Variants in GRIN2A observed in about 807,000 individuals in gnomAD.
GRIN2A encodes the protein glutamate receptor ionotropic, NMDA 2A.
A neutral mutation model predicts 113.4 loss-of-function variants in GRIN2A; 22 were observed. That is an observed-to-expected ratio of 0.19 (90% CI 0.14 to 0.28). The LOEUF (loss-of-function observed/expected upper bound fraction) is 0.28. Among genes scored for constraint, GRIN2A ranks in the 10% least tolerant of loss-of-function variants. GRIN2A has a pLI of 1.00. For synonymous variants in GRIN2A, 827 were observed against 738.4 expected, an observed-to-expected ratio of 1.12 and a Z score of -1.94; for missense variants, 1,502 against 1,887.0, an observed-to-expected ratio of 0.80 and a Z score of 3.78.
At chr16:9,899,427 C>T (rs1596556945) in intron 3 of GRIN2A, among the ~76,000 whole-genome samples, 1 of 52,294 alleles carries the variant, frequency 1.9e-5, no homozygotes, top group Admixed American at 3.6e-4. Context: ...GCAACAAGAG[C>T]AAAACTCCGT....
At chr16:9,867,409 C>A (rs980943754) in intron 4 of GRIN2A, among the ~76,000 whole-genome samples, 12 of 152,150 alleles carry the variant, frequency 7.9e-5, no homozygotes, top group African/African-American at 2.9e-4. Flanking sequence ...TTATTTCAGA[C>A]TCTATGGACA....
chr16:9,827,947 G>A (rs1272017519), intron 9 of GRIN2A, among the ~76,000 whole-genome samples: 1 of 152,120 alleles, frequency 6.6e-6, no homozygotes. Flanking sequence ...TTCCAAATTT[G>A]TTTCTTCCTT....
intron 2 of GRIN2A, among the ~76,000 whole-genome samples, chr16:10,018,864 CAG>C (rs2046660469): frequency 6.6e-6 from 1 of 152,194 alleles, no homozygotes; most frequent in Admixed American, 6.5e-5. Context: ...AAGAATGCCC[CAG>C]AGTTACAGCT....
At chr16:10,092,460 G>A (rs748687697) in intron 2 of GRIN2A, among the ~76,000 whole-genome samples, 5 of 151,978 alleles carry the variant, frequency 3.3e-5, no homozygotes, top group Non-Finnish European at 7.4e-5. Flanking sequence ...AAGAGATCAG[G>A]GTGTCTTCAA....
intron 2 of GRIN2A, among the ~76,000 whole-genome samples, chr16:10,162,817 G>A (rs956153167): frequency 9.2e-5 from 14 of 152,176 alleles, no homozygotes; most frequent in African/African-American, 3.4e-4. Context: ...ACCCTCGGAT[G>A]AAACCAGAGA....
chr16:10,111,837 C>A, intron 2 of GRIN2A: 3 of 1,149,262 alleles, frequency 2.6e-6, no homozygotes, highest in African/African-American at 1.5e-5. Flanking sequence ...CCATGGGGAG[C>A]AAGTTGGTGG....
chr16:10,078,087 G>C (rs2142048154), intron 2 of GRIN2A, among the ~76,000 whole-genome samples: 1 of 152,278 alleles, frequency 6.6e-6, no homozygotes, highest in South Asian at 2.1e-4. Context: ...GCCTACATCA[G>C]CACTCATCCA....
intron 12 of GRIN2A, among the ~76,000 whole-genome samples, chr16:9,767,152 G>A (rs1285260587): frequency 7.9e-5 from 12 of 152,306 alleles, no homozygotes; most frequent in Admixed American, 7.2e-4. Context: ...CTCTATGCAC[G>A]TACGTTGTTA....
intron 5 of GRIN2A, among the ~76,000 whole-genome samples, chr16:9,842,003 G>C (rs2042688654): frequency 6.6e-6 from 1 of 152,208 alleles, no homozygotes. Flanking sequence ...TATAATCCCA[G>C]CACTTTCGGA....
chr16:10,111,947 C>T (rs1174403636), intron 2 of GRIN2A: 1 of 736,498 alleles, frequency 1.4e-6, no homozygotes, highest in African/African-American at 1.7e-5. Context: ...ATGGTGGCTC[C>T]AGCAGGCATG....
chr16:9,808,679 C>A (rs556552770), intron 10 of GRIN2A, among the ~76,000 whole-genome samples: 2 of 152,018 alleles, frequency 1.3e-5, no homozygotes, highest in African/African-American at 4.8e-5. Flanking sequence ...TTAAAGTAGG[C>A]GTTTCTTACC....
intron 2 of GRIN2A, among the ~76,000 whole-genome samples, chr16:10,054,886 G>C (rs1048535432): frequency 6.6e-6 from 1 of 150,596 alleles, no homozygotes; most frequent in African/African-American, 2.4e-5. Context: ...TCTCTACTAA[G>C]AACACAAAAA....
At chr16:9,959,926 T>A (rs568135603) in intron 2 of GRIN2A, among the ~76,000 whole-genome samples, 1 of 152,024 alleles carries the variant, frequency 6.6e-6, no homozygotes, top group Non-Finnish European at 1.5e-5. Flanking sequence ...TGAGCCAAAA[T>A]CGGGCCACTG....
At chr16:10,081,268 T>C (rs1003398959) in intron 2 of GRIN2A, among the ~76,000 whole-genome samples, 3 of 152,208 alleles carry the variant, frequency 2.0e-5, no homozygotes. Context: ...TTAAGGTGCC[T>C]GGTTAATTCC....
At chr16:10,035,080 C>G (rs1267918173) in intron 2 of GRIN2A, among the ~76,000 whole-genome samples, 1 of 152,092 alleles carries the variant, frequency 6.6e-6, no homozygotes, top group Non-Finnish European at 1.5e-5. Context: ...GGCTGGAGTG[C>G]AGTGGCACCA....
chr16:10,024,246 C>T (rs938329877), intron 2 of GRIN2A, among the ~76,000 whole-genome samples: 12 of 149,248 alleles, frequency 8.0e-5, no homozygotes, highest in African/African-American at 1.5e-4. Flanking sequence ...TTGTTTGAGA[C>T]GGAGCCTCGC....
chr16:10,118,203 T>C (rs996245521), intron 2 of GRIN2A, among the ~76,000 whole-genome samples: 36 of 152,184 alleles, frequency 2.4e-4, no homozygotes, highest in African/African-American at 7.7e-4. Flanking sequence ...AAGACATTGT[T>C]ATATATCTGT....
At chr16:9,879,417 T>C (rs2043434804) in intron 4 of GRIN2A, among the ~76,000 whole-genome samples, 1 of 152,154 alleles carries the variant, frequency 6.6e-6, no homozygotes, top group African/African-American at 2.4e-5. Context: ...AAAAAAAAAT[T>C]TTTTTAATCT....
chr16:10,019,964 C>T (rs837707), intron 2 of GRIN2A, among the ~76,000 whole-genome samples: 87,072 of 152,072 alleles, frequency 0.57, 25,264 homozygotes, highest in Middle Eastern at 0.66. Context: ...TGGTAACCAA[C>T]AGTCGTGAAA....
Sources: allele counts gnomAD v4.1 joint callset (sites outside exome capture counted in the v4.1 genomes callset), GRCh38; gene constraint gnomAD v4.1.1; transcripts MANE v1.5; gene names NCBI Gene and HGNC (gene_info 2026-07-23, HGNC 2026-07-21).